Variants in PAK3 observed in about 807,000 individuals in gnomAD.
PAK3 encodes serine/threonine-protein kinase PAK 3.
PAK3 carries 4 observed loss-of-function variants against 41.0 expected under a neutral mutation model. That is an observed-to-expected ratio of 0.10 (90% CI 0.05 to 0.22). PAK3 has a LOEUF of 0.22. Ranked by LOEUF, PAK3 falls within the 10% of genes least tolerant of loss-of-function variation. PAK3 has a pLI of 1.00. For missense variants in PAK3, 205 were observed against 409.9 expected (o/e 0.50, Z 4.32); for synonymous variants, 146 against 139.6 (o/e 1.05, Z -0.32).
At chrX:111,036,546 C>T (rs7066567) in intron 1 of PAK3, among the ~76,000 whole-genome samples, 2,093 of 111,785 alleles carry the variant, frequency 0.019, 66 homozygotes, top group African/African-American at 0.064. Context: ...CTCACTCTCA[C>T]GAGAACAGCA....
At chrX:111,140,037 G>GAA (rs746670590) in intron 5 of PAK3, among the ~76,000 whole-genome samples, 4 of 111,504 alleles carry the variant, frequency 3.6e-5, no homozygotes, top group Admixed American at 2.8e-4. Context: ...CACTTGCCTG[G>GAA]AACCCTTCCA....
intron 1 of PAK3, among the ~76,000 whole-genome samples, chrX:110,967,726 T>C (rs2148624654): frequency 8.9e-6 from 1 of 112,390 alleles, no homozygotes; most frequent in East Asian, 2.8e-4. Context: ...TTTTAAATAA[T>C]TATAGATTCA....
chrX:111,178,980 T>TATATATATATAGAGAGAGAG (rs1211051270), intron 11 of PAK3, among the ~76,000 whole-genome samples: 6 of 91,612 alleles, frequency 6.5e-5, no homozygotes, highest in African/African-American at 2.4e-4. Flanking sequence ...TATATATATA[T>TATATATATATAGAGAGAGAG]AGAGAGAGAG....
At chrX:111,016,755 A>G (rs2896891) in intron 1 of PAK3, among the ~76,000 whole-genome samples, 9 of 40,529 alleles carry the variant, frequency 2.2e-4, no homozygotes, top group African/African-American at 5.0e-4. Context: ...AGGAAGGGAG[A>G]GAGGGAGGGA....
At chrX:111,195,261 CAT>C (rs199817647) in intron 14 of PAK3, among the ~76,000 whole-genome samples, 4,302 of 111,418 alleles carry the variant, frequency 0.039, 215 homozygotes, top group African/African-American at 0.13. Context: ...ATCCACCAAA[CAT>C]ATATGTTTTC....
At chrX:111,086,942 A>G (rs1251276425) in intron 1 of PAK3, among the ~76,000 whole-genome samples, 1 of 111,935 alleles carries the variant, frequency 8.9e-6, no homozygotes, top group Admixed American at 9.5e-5. Flanking sequence ...TGGTAATTTG[A>G]ATGCAAAGTG....
intron 17 of PAK3, among the ~76,000 whole-genome samples, chrX:111,218,923 G>T (rs974797956): frequency 9.0e-6 from 1 of 110,728 alleles, no homozygotes; most frequent in Non-Finnish European, 1.9e-5. Flanking sequence ...TGCTATGATT[G>T]CTATGCCTGT....
chrX:111,007,813 C>A (rs1428601517), intron 1 of PAK3, among the ~76,000 whole-genome samples: 3 of 111,675 alleles, frequency 2.7e-5, no homozygotes, highest in Non-Finnish European at 5.6e-5. Context: ...TCGAGGCCAA[C>A]TAGTGTGAAT....
chrX:111,089,120 G>C (rs183718330), intron 1 of PAK3, among the ~76,000 whole-genome samples: 10 of 112,172 alleles, frequency 8.9e-5, no homozygotes, highest in Middle Eastern at 4.6e-3. Context: ...GTCAGTATTT[G>C]AGTTAGTAGT....
At chrX:111,071,309 T>C (rs2092742356) in intron 1 of PAK3, among the ~76,000 whole-genome samples, 1 of 111,967 alleles carries the variant, frequency 8.9e-6, no homozygotes, top group African/African-American at 3.2e-5. Flanking sequence ...AAACCTTTTC[T>C]CCACTATGAA....
chrX:110,991,044 G>T lies in PAK3; in HGVS notation c.-28+46416G>T, dbSNP rs374992692. 1.9e-3 allele frequency among the ~76,000 whole-genome samples: 205 copies of T among 109,566 alleles called. 1 individual carries two copies. Among genetic ancestry groups the T allele is most frequent in the African/African-American group, 6.6e-3 (199 of 30,072 alleles). On this transcript the variant is annotated intron_variant, in intron 1 of 14. Coordinates refer to the PAK3 transcript ENST00000425146. ...CTCAGGAGGCTGATCTGGGAGGATCGCTTGAACCCTGGAGGCAGAGGTTAC... is the reference window on the plus strand; with the variant it reads ...CTCAGGAGGCTGATCTGGGAGGATCTCTTGAACCCTGGAGGCAGAGGTTAC...
intron 1 of PAK3, among the ~76,000 whole-genome samples, chrX:111,050,170 C>T (rs1401731517): frequency 1.8e-5 from 2 of 111,508 alleles, no homozygotes; most frequent in African/African-American, 6.5e-5. Flanking sequence ...CCACAGTTCA[C>T]TCCCTCTCTT....
At chrX:111,207,018 T>C (rs1264920811) in intron 16 of PAK3, among the ~76,000 whole-genome samples, 3 of 109,248 alleles carry the variant, frequency 2.7e-5, no homozygotes, top group African/African-American at 1.0e-4. Context: ...AGATTAGGAG[T>C]CAGTTGCAGG....
intron 16 of PAK3, among the ~76,000 whole-genome samples, chrX:111,208,705 A>C (rs1281815849): frequency 8.9e-6 from 1 of 111,921 alleles, no homozygotes; most frequent in Non-Finnish European, 1.9e-5. Context: ...AAAACGATGA[A>C]ATTGCCTAAT....
chrX:110,989,155 T>C (rs998234109), intron 1 of PAK3, among the ~76,000 whole-genome samples: 2 of 111,658 alleles, frequency 1.8e-5, no homozygotes, highest in African/African-American at 6.5e-5. Flanking sequence ...TGGGTTCCAG[T>C]TCATTATGGT....
At chrX:111,027,742 T>G (rs1454138235) in intron 1 of PAK3, among the ~76,000 whole-genome samples, 2 of 110,755 alleles carry the variant, frequency 1.8e-5, no homozygotes, top group Admixed American at 9.7e-5. Context: ...GTACAACCAC[T>G]GTGGAAAACA....
At chrX:111,199,608 G>T (rs1378591829) in intron 16 of PAK3, among the ~76,000 whole-genome samples, 1 of 111,706 alleles carries the variant, frequency 9.0e-6, no homozygotes, top group African/African-American at 3.3e-5. Flanking sequence ...TATCAGTAAT[G>T]ATTTATTGAT....
At chrX:111,007,221 G>C (rs183758684) in intron 1 of PAK3, among the ~76,000 whole-genome samples, 121 of 110,921 alleles carry the variant, frequency 1.1e-3, no homozygotes, top group African/African-American at 3.6e-3. Flanking sequence ...TTGACCCCTT[G>C]ACCATGGCAA....
intron 7 of PAK3, among the ~76,000 whole-genome samples, chrX:111,148,467 C>T (rs1340804165): frequency 9.0e-6 from 1 of 111,616 alleles, no homozygotes; most frequent in Non-Finnish European, 1.9e-5. Flanking sequence ...TTCAAATTTG[C>T]ACTATAAGCA....
Sources: allele counts gnomAD v4.1 joint callset (sites outside exome capture counted in the v4.1 genomes callset), GRCh38; gene constraint gnomAD v4.1.1; transcripts MANE v1.5; gene names NCBI Gene and HGNC (gene_info 2026-07-23, HGNC 2026-07-21).